The following GPHN variants were observed in gnomAD, a reference collection of about 807,000 sequenced individuals.
GPHN encodes the protein gephyrin.
In GPHN, 17 loss-of-function variants were observed where a neutral mutation model predicts 95.5. The observed-to-expected ratio is 0.18, with a 90% CI of 0.12 to 0.27. The LOEUF (loss-of-function observed/expected upper bound fraction) is 0.27, where lower values mean the gene tolerates loss of function less well. GPHN is among the 10% of genes least tolerant of loss of function. The pLI is 1.00. For missense variants in GPHN, 660 were observed against 978.1 expected, an observed-to-expected ratio of 0.67 and a Z score of 4.34; for synonymous variants, 320 against 322.5, an observed-to-expected ratio of 0.99 and a Z score of 0.08.
At chr14:67,491,894 C>T in the GPHN span, among the ~76,000 whole-genome samples, 4 of 152,172 alleles carry the variant, frequency 2.6e-5, no homozygotes, top group South Asian at 4.1e-4. Context: ...GCCCAGGCCG[C>T]GGGGGCCTGC....
the GPHN span, chr14:67,582,150 G>A: frequency 6.2e-7 from 1 of 1,613,168 alleles, no homozygotes; most frequent in Non-Finnish European, 8.5e-7. The surrounding 1 kb of genome is among the most constrained non-coding windows in gnomAD (Gnocchi z 5.0). Context: ...GAGAGATAGT[G>A]GCAGGGAGGT....
chr14:67,376,375 A>G, the GPHN span: 8 of 1,447,362 alleles, frequency 5.5e-6, no homozygotes, highest in Non-Finnish European at 6.5e-6. Flanking sequence ...ATTTACTAAA[A>G]TGTAAAAACA....
intron 11 of GPHN, among the ~76,000 whole-genome samples, chr14:67,061,918 T>C (rs1567276992): frequency 6.6e-6 from 1 of 152,194 alleles, no homozygotes; most frequent in African/African-American, 2.4e-5. Flanking sequence ...AAGATGCTTC[T>C]CCTTTATGAA....
chr14:67,568,729 C>T, the GPHN span, among the ~76,000 whole-genome samples: 1 of 152,072 alleles, frequency 6.6e-6, no homozygotes, highest in Non-Finnish European at 1.5e-5. Flanking sequence ...TTACCAATAT[C>T]CCCAACTTCT....
chr14:67,184,097 T>A (rs1595525468), downstream of GPHN, among the ~76,000 whole-genome samples: 1 of 152,180 alleles, frequency 6.6e-6, no homozygotes, highest in South Asian at 2.1e-4. Context: ...AGTGCTGGAG[T>A]TACAGGCATG....
At chr14:66,754,640 TTAAA>T (rs939475637) in intron 2 of GPHN, among the ~76,000 whole-genome samples, 32 of 152,104 alleles carry the variant, frequency 2.1e-4, no homozygotes, top group African/African-American at 7.5e-4. Flanking sequence ...TGTAAAATTA[TTAAA>T]TAATTAAATT....
the GPHN span, among the ~76,000 whole-genome samples, chr14:67,637,553 A>G: frequency 1.9e-4 from 29 of 152,284 alleles, no homozygotes; most frequent in African/African-American, 7.0e-4. Context: ...TTCTACAACA[A>G]CATACTAGAA....
chr14:66,898,818 G>A (rs72728702), intron 5 of GPHN, among the ~76,000 whole-genome samples: 6,691 of 151,938 alleles, frequency 0.044, 189 homozygotes, highest in Middle Eastern at 0.068. Context: ...TGTAAATTTG[G>A]GTGGAAGTGA....
intron 1 of GPHN, among the ~76,000 whole-genome samples, chr14:66,508,830 T>G (rs1009853981): frequency 6.6e-6 from 1 of 152,048 alleles, no homozygotes; most frequent in Non-Finnish European, 1.5e-5. Flanking sequence ...CCCCAGCGCC[T>G]TCGGAAGCAA....
In GPHN at chr14:66,980,660, A is replaced by G. The variant is rs932656573; in HGVS notation, c.963+15335A>G. On this transcript the variant is annotated intron_variant, in intron 9 of 22. Transcript: ENST00000478722. ...ATTATACTGTCTTGGAATTAAAACT[A>G]TATAGAACTTTAAGATCAAAATTAT... Among the ~76,000 whole-genome samples, 3 of 152,160 alleles carry G rather than the reference A, an allele frequency of 2.0e-5. No individual in the cohort carries two copies. The East Asian group carries it at 5.8e-4, about 29-fold the overall frequency.
the GPHN span, among the ~76,000 whole-genome samples, chr14:67,424,597 TAA>T: frequency 1.2e-4 from 15 of 124,872 alleles, no homozygotes; most frequent in Non-Finnish European, 1.5e-4. Flanking sequence ...AGACGCTGTT[TAA>T]AAAAAAAAAA....
chr14:66,599,992 C>T (rs1376614636), intron 1 of GPHN, among the ~76,000 whole-genome samples: 1 of 152,000 alleles, frequency 6.6e-6, no homozygotes, highest in African/African-American at 2.4e-5. Flanking sequence ...ATATAATCTT[C>T]TGTTAATATA....
intron 3 of GPHN, among the ~76,000 whole-genome samples, chr14:66,821,778 C>T (rs539198938): frequency 6.6e-6 from 1 of 152,278 alleles, no homozygotes; most frequent in African/African-American, 2.4e-5. Flanking sequence ...CCATATATCA[C>T]ATTAGCTACT....
chr14:67,599,993 C>T, the GPHN span: 2 of 1,527,364 alleles, frequency 1.3e-6, no homozygotes, highest in Non-Finnish European at 1.8e-6. Flanking sequence ...CCCCCTCCTT[C>T]GAGCGCGGGG....
intron 9 of GPHN, among the ~76,000 whole-genome samples, chr14:66,984,318 T>C (rs78446977): frequency 0.012 from 1,830 of 152,290 alleles, 19 homozygotes; most frequent in Non-Finnish European, 0.018. Flanking sequence ...ATTCACTCCA[T>C]AGGGAGCCCC....
At chr14:66,666,949 C>T (rs1196731241) in intron 1 of GPHN, among the ~76,000 whole-genome samples, 6 of 152,152 alleles carry the variant, frequency 3.9e-5, no homozygotes, top group South Asian at 2.1e-4. Flanking sequence ...TCTCAGGATA[C>T]GCAATTAATG....
At chr14:67,510,157 A>T in the GPHN span, among the ~76,000 whole-genome samples, 3 of 152,244 alleles carry the variant, frequency 2.0e-5, no homozygotes, top group Admixed American at 6.5e-5. Context: ...GATAATTAAT[A>T]GTAGCTATCT....
the GPHN span, chr14:67,467,334 A>C: frequency 6.6e-6 from 1 of 152,200 alleles, no homozygotes; most frequent in Non-Finnish European, 1.5e-5. Context: ...TGTTAGGAGA[A>C]AGGTTTCAGC....
At chr14:67,035,425 A>G (rs1320398229) in intron 10 of GPHN, among the ~76,000 whole-genome samples, 3 of 152,008 alleles carry the variant, frequency 2.0e-5, no homozygotes, top group South Asian at 4.1e-4. Context: ...GAATAAAAAT[A>G]CTAGGAAAAA....
Sources: allele counts gnomAD v4.1 joint callset (sites outside exome capture counted in the v4.1 genomes callset), GRCh38; gene constraint gnomAD v4.1.1; non-coding constraint Gnocchi (gnomAD v3.1); transcripts MANE v1.5; gene names NCBI Gene and HGNC (gene_info 2026-07-23, HGNC 2026-07-21).